FAAH2: variants seen among roughly 807,000 people sequenced by gnomAD.
FAAH2 encodes the protein fatty-acid amide hydrolase 2.
In FAAH2, 60 loss-of-function variants were observed where a neutral mutation model predicts 36.9. The observed-to-expected ratio is 1.63, with a 90% CI of 1.32 to 2.02. The LOEUF (loss-of-function observed/expected upper bound fraction) is 2.02. Ranked by LOEUF, FAAH2 falls within the 30% of genes most tolerant of loss-of-function variation. The pLI, the probability that FAAH2 is intolerant of heterozygous loss-of-function variation, is 0.00. For synonymous variants in FAAH2, 214 were observed against 143.8 expected, an observed-to-expected ratio of 1.49 and a Z score of -3.49; for missense variants, 689 against 397.5, an observed-to-expected ratio of 1.73 and a Z score of -6.23.
At chrX:57,430,342 T>TC (rs1278562484) in intron 7 of FAAH2, among the ~76,000 whole-genome samples, 2 of 111,332 alleles carry the variant, frequency 1.8e-5, no homozygotes, top group African/African-American at 6.5e-5. Flanking sequence ...CCCTAATTCT[T>TC]CCATGCCATA....
chrX:57,212,363 C>T, the FAAH2 span, among the ~76,000 whole-genome samples: 278 of 112,113 alleles, frequency 2.5e-3, 1 homozygote, highest in African/African-American at 8.5e-3. Flanking sequence ...ACAATGGATT[C>T]TAACCAAAAA....
chrX:57,432,151 T>C (rs2056317951), intron 8 of FAAH2, 114 bp downstream of exon 8: 2 of 574,866 alleles, frequency 3.5e-6, no homozygotes, highest in Non-Finnish European at 5.1e-6. Flanking sequence ...AAAAAATAAG[T>C]AAAATAGTAA....
At chrX:57,278,477 A>G in the FAAH2 span, among the ~76,000 whole-genome samples, 2 of 111,869 alleles carry the variant, frequency 1.8e-5, no homozygotes, top group South Asian at 3.7e-4. Context: ...TAAAAACCCT[A>G]GAAGAAAAAA....
chrX:57,334,265 G>A (rs868176310), intron 4 of FAAH2, among the ~76,000 whole-genome samples: 13 of 7,810 alleles, frequency 1.7e-3, no homozygotes, highest in South Asian at 0.065. Context: ...GGGAGATTCC[G>A]TCTCACACAC....
chrX:57,464,213 A>G (rs1322022872), intron 10 of FAAH2, among the ~76,000 whole-genome samples: 1 of 111,017 alleles, frequency 9.0e-6, no homozygotes, highest in Non-Finnish European at 1.9e-5. Flanking sequence ...CAATAAGAAG[A>G]CACACACACA....
At chrX:57,169,400 T>C in the FAAH2 span, among the ~76,000 whole-genome samples, 1 of 94,753 alleles carries the variant, frequency 1.1e-5, no homozygotes, top group African/African-American at 3.6e-5. Context: ...TTTTCAAGCT[T>C]CCTTCCAAAA....
the FAAH2 span, among the ~76,000 whole-genome samples, chrX:57,266,728 G>T: frequency 8.0e-5 from 9 of 112,271 alleles, no homozygotes; most frequent in Non-Finnish European, 1.3e-4. Flanking sequence ...ATCCTGGGAT[G>T]ATTGCACTGA....
At chrX:57,269,629 G>A in the FAAH2 span, among the ~76,000 whole-genome samples, 1 of 111,400 alleles carries the variant, frequency 9.0e-6, no homozygotes, top group East Asian at 2.8e-4. Flanking sequence ...AATGATTTTG[G>A]GGTAAAAAAT....
chrX:57,458,398 C>A (rs945760897), intron 10 of FAAH2, among the ~76,000 whole-genome samples: 2 of 111,165 alleles, frequency 1.8e-5, no homozygotes, highest in African/African-American at 6.5e-5. Context: ...GAGGCTGAGG[C>A]AGGAGAATCG....
chrX:57,329,967 A>T (rs954582309), intron 3 of FAAH2, among the ~76,000 whole-genome samples: 1 of 111,753 alleles, frequency 8.9e-6, no homozygotes, highest in Non-Finnish European at 1.9e-5. Context: ...CTTTACTTTA[A>T]TCTCTTAATC....
At chrX:57,335,264 AAAGAAAAAT>A (rs1432228646) in intron 4 of FAAH2, among the ~76,000 whole-genome samples, 1 of 111,441 alleles carries the variant, frequency 9.0e-6, no homozygotes, top group African/African-American at 3.3e-5. Context: ...AAGTATAGAG[AAAGAAAAAT>A]AAGAAAAATG....
upstream of FAAH2, among the ~76,000 whole-genome samples, chrX:57,282,082 C>T (rs1313101199): frequency 8.9e-6 from 1 of 112,084 alleles, no homozygotes; most frequent in Admixed American, 9.5e-5. Context: ...TGTGTGTATA[C>T]CCAGTAATGA....
At chrX:57,152,250 C>G in the FAAH2 span, among the ~76,000 whole-genome samples, 1 of 112,303 alleles carries the variant, frequency 8.9e-6, no homozygotes, top group Admixed American at 9.4e-5. Flanking sequence ...TGCCAGTCCT[C>G]AGATCTCCGG....
At chrX:57,393,057 G>A (rs2055204374) in intron 7 of FAAH2, 2 of 911,617 alleles carry the variant, frequency 2.2e-6, no homozygotes, top group Admixed American at 2.2e-5. Flanking sequence ...CTGAGCCAGG[G>A]CTAAGGTACC....
At chrX:57,260,421 A>T in the FAAH2 span, among the ~76,000 whole-genome samples, 1 of 112,271 alleles carries the variant, frequency 8.9e-6, no homozygotes, top group African/African-American at 3.2e-5. Context: ...ACTTAACTTG[A>T]ACTGAGTTAT....
the FAAH2 span, among the ~76,000 whole-genome samples, chrX:57,140,745 G>A: frequency 3.6e-5 from 4 of 111,778 alleles, no homozygotes; most frequent in Non-Finnish European, 5.6e-5. Flanking sequence ...ATCAAATGCT[G>A]CATGTTCTCA....
At chrX:57,469,796 A>G (rs2057125707) in intron 10 of FAAH2, among the ~76,000 whole-genome samples, 1 of 111,882 alleles carries the variant, frequency 8.9e-6, no homozygotes, top group Non-Finnish European at 1.9e-5. Flanking sequence ...CAGAATATAC[A>G]TTCTTCGCAG....
chrX:57,442,921 A>T (rs189522598), intron 8 of FAAH2, among the ~76,000 whole-genome samples: 1 of 111,119 alleles, frequency 9.0e-6, no homozygotes, highest in Non-Finnish European at 1.9e-5. Flanking sequence ...TTTCTTTAAG[A>T]ATGTTGAATA....
the FAAH2 span, among the ~76,000 whole-genome samples, chrX:57,189,536 T>A: frequency 1.8e-5 from 2 of 109,940 alleles, no homozygotes; most frequent in African/African-American, 6.6e-5. Flanking sequence ...CTACCTTTGG[T>A]CTTTCAAGCA....
Sources: allele counts gnomAD v4.1 joint callset (sites outside exome capture counted in the v4.1 genomes callset), GRCh38; gene constraint gnomAD v4.1.1; transcripts MANE v1.5; gene names NCBI Gene and HGNC (gene_info 2026-07-23, HGNC 2026-07-21).